Variants in WWOX observed in about 807,000 individuals in gnomAD.
WWOX encodes WW domain-containing oxidoreductase.
In WWOX, 69 loss-of-function variants were observed where a neutral mutation model predicts 46.2. That is an observed-to-expected ratio of 1.49 (90% CI 1.23 to 1.82). WWOX has a LOEUF of 1.82. WWOX is among the 40% of genes most tolerant of loss of function. WWOX has a pLI of 0.00. For missense variants in WWOX, 919 were observed against 542.6 expected, an observed-to-expected ratio of 1.69 and a Z score of -6.89; for synonymous variants, 359 against 202.6, an observed-to-expected ratio of 1.77 and a Z score of -6.56.
In WWOX at chr16:78,114,967, T is replaced by C. The variant is rs766689304; in HGVS notation, c.231-9T>C. ...TTGCTGTGGGTTCACTGCTTTCTCTTTTGGGCAGCCATATAAATAAAAGAA... is the reference window on the plus strand; with the variant it reads ...TTGCTGTGGGTTCACTGCTTTCTCTCTTGGGCAGCCATATAAATAAAAGAA... On this transcript the variant is annotated splice_polypyrimidine_tract_variant and intron_variant, in intron 3 of 8. Transcript: ENST00000566780. 7.4e-6 allele frequency: 12 copies of C among 1,614,044 alleles called. No individual in the cohort carries two copies. In the African/African-American group the frequency reaches 1.2e-4, roughly 16 times the overall value.
chr16:79,179,007 A>G (rs956791833), intron 8 of WWOX, among the ~76,000 whole-genome samples: 1 of 152,220 alleles, frequency 6.6e-6, no homozygotes, highest in Non-Finnish European at 1.5e-5. Context: ...AGCAGTGAGA[A>G]GAATCAGTCT....
At chr16:78,955,575 A>C (rs913279943) in intron 8 of WWOX, among the ~76,000 whole-genome samples, 2 of 152,190 alleles carry the variant, frequency 1.3e-5, no homozygotes, top group Non-Finnish European at 2.9e-5. Context: ...ATTCATATTT[A>C]CTTTATGAAA....
chr16:79,010,947 A>G (rs912784693), intron 8 of WWOX, among the ~76,000 whole-genome samples: 7 of 151,994 alleles, frequency 4.6e-5, no homozygotes, highest in African/African-American at 1.7e-4. Context: ...TTTGGTTTCT[A>G]CTTGGAGAGA....
intron 8 of WWOX, among the ~76,000 whole-genome samples, chr16:78,671,580 G>A (rs989011563): frequency 6.6e-6 from 1 of 151,992 alleles, no homozygotes; most frequent in Non-Finnish European, 1.5e-5. Flanking sequence ...ATTAATTGCC[G>A]GTACTCTCAG....
At chr16:78,310,668 C>T (rs1045785349) in intron 5 of WWOX, among the ~76,000 whole-genome samples, 4 of 152,192 alleles carry the variant, frequency 2.6e-5, no homozygotes, top group African/African-American at 4.8e-5. Context: ...TCTCTGGGAT[C>T]GGGGATTTAT....
chr16:78,436,381 G>A (rs1262232481), intron 8 of WWOX, among the ~76,000 whole-genome samples: 1 of 152,188 alleles, frequency 6.6e-6, no homozygotes, highest in Admixed American at 6.5e-5. Context: ...GGAAGCCGTA[G>A]GGTGTGGACT....
intron 8 of WWOX, among the ~76,000 whole-genome samples, chr16:78,837,375 T>C (rs1038223733): frequency 2.0e-5 from 3 of 152,218 alleles, no homozygotes; most frequent in Non-Finnish European, 4.4e-5. Flanking sequence ...TTTTCCTCTG[T>C]GTTTTGTGTC....
intron 5 of WWOX, among the ~76,000 whole-genome samples, chr16:78,205,138 G>A (rs1290163567): frequency 6.6e-6 from 1 of 152,106 alleles, no homozygotes; most frequent in Non-Finnish European, 1.5e-5. Context: ...GTGGTGAGCT[G>A]GACAGGATGA....
At chr16:78,735,492 T>A (rs890849626) in intron 8 of WWOX, among the ~76,000 whole-genome samples, 1 of 152,110 alleles carries the variant, frequency 6.6e-6, no homozygotes, top group African/African-American at 2.4e-5. Flanking sequence ...TTTGACGTGC[T>A]TGAACTCGAG....
intron 8 of WWOX, among the ~76,000 whole-genome samples, chr16:78,813,384 G>A (rs1444990430): frequency 6.6e-6 from 1 of 151,952 alleles, no homozygotes; most frequent in Non-Finnish European, 1.5e-5. Context: ...TCAAGTGCTA[G>A]ATTAATAACA....
chr16:78,802,949 AC>A lies in WWOX; in HGVS notation c.1056+370198del, dbSNP rs2050934063. On this transcript the variant is annotated intron_variant, in intron 8 of 8. Transcript: ENST00000566780. Reference sequence around the variant, plus strand: ...AAAAAAAAAAAAAAAAAAACAACAAACAGAAAAATGAACGAGTGAGTGGCAA... The same window carrying A: ...AAAAAAAAAAAAAAAAAAACAACAAAAGAAAAATGAACGAGTGAGTGGCAA... Among the ~76,000 whole-genome samples the A allele has an allele frequency of 1.8e-3, 219 of 124,710 alleles. 24 individuals carry two copies. The highest frequency in any genetic ancestry group is 3.9e-3 in the Middle Eastern group (1 of 256). 81.8% of individuals were successfully genotyped at this position (124,710 alleles called of 152,430 possible). A position where few individuals can be genotyped will look rare whatever the true frequency, so the allele number is the denominator to read the frequency against.
At chr16:78,413,076 C>A (rs969655795) in intron 6 of WWOX, among the ~76,000 whole-genome samples, 2 of 152,180 alleles carry the variant, frequency 1.3e-5, no homozygotes, top group Non-Finnish European at 2.9e-5. Context: ...TTCTCCTTTC[C>A]TGCTAGCTGG....
intron 8 of WWOX, among the ~76,000 whole-genome samples, chr16:78,572,645 A>G (rs1038413441): frequency 6.6e-6 from 1 of 151,322 alleles, no homozygotes; most frequent in African/African-American, 2.4e-5. Context: ...ATAGGAGAAT[A>G]TATACAGTAT....
intron 8 of WWOX, among the ~76,000 whole-genome samples, chr16:78,626,702 G>T (rs1445047214): frequency 2.6e-5 from 4 of 152,068 alleles, no homozygotes; most frequent in African/African-American, 9.7e-5. Context: ...TTGTGGAGTG[G>T]GGATTTAATG....
At chr16:79,026,551 C>T (rs1304982714) in intron 8 of WWOX, among the ~76,000 whole-genome samples, 4 of 151,218 alleles carry the variant, frequency 2.6e-5, no homozygotes, top group Non-Finnish European at 2.9e-5. Flanking sequence ...AAGAATCATG[C>T]CTGCTTTTCT....
At chr16:78,572,375 G>T (rs551911046) in intron 8 of WWOX, among the ~76,000 whole-genome samples, 1 of 152,064 alleles carries the variant, frequency 6.6e-6, no homozygotes, top group South Asian at 2.1e-4. Context: ...TCGGCAGATG[G>T]CTTGAGCCCA....
chr16:78,541,271 G>A (rs866453344), intron 8 of WWOX, among the ~76,000 whole-genome samples: 2 of 151,120 alleles, frequency 1.3e-5, no homozygotes, highest in African/African-American at 2.4e-5. Context: ...TCAGGAGATC[G>A]AGACCATCCC....
At chr16:79,069,080 A>C (rs1269747255) in intron 8 of WWOX, among the ~76,000 whole-genome samples, 1 of 152,182 alleles carries the variant, frequency 6.6e-6, no homozygotes, top group Non-Finnish European at 1.5e-5. Flanking sequence ...GAGCAGATGA[A>C]CTACCTGGAA....
intron 8 of WWOX, among the ~76,000 whole-genome samples, chr16:79,107,137 T>TA: frequency 6.6e-6 from 1 of 152,274 alleles, no homozygotes; most frequent in Non-Finnish European, 1.5e-5. Flanking sequence ...GGCAGAATCT[T>TA]ACTATGTTGC....
Sources: gnomAD v4.1 joint callset for allele counts (sites outside exome capture counted in the v4.1 genomes callset) on GRCh38, gnomAD v4.1.1 for gene constraint, MANE v1.5 for transcripts, NCBI Gene and HGNC (gene_info 2026-07-23, HGNC 2026-07-21) for gene names.